ACER1: variants seen among roughly 807,000 people sequenced by gnomAD.
ACER1 encodes the protein CTB-180A7.3.
In ACER1, 28 loss-of-function variants were observed where a neutral mutation model predicts 24.9. The observed-to-expected ratio is 1.13, with a 90% CI of 0.83 to 1.54. The LOEUF (loss-of-function observed/expected upper bound fraction) is 1.54. ACER1 is among the 40% of genes most tolerant of loss of function. The pLI is 0.00. For missense variants in ACER1, 352 were observed against 349.3 expected (o/e 1.01, Z -0.06); for synonymous variants, 132 against 131.4 (o/e 1.00, Z -0.03).
Position 6,330,565 on chromosome 19 carries a change from C to T in ACER1, c.93+2894G>A, listed in dbSNP as rs866986230. 8.7e-5 allele frequency among the ~76,000 whole-genome samples: 13 copies of T among 150,124 alleles called. No individual in the cohort carries two copies. The South Asian group carries it at 1.9e-3, about 22-fold the overall frequency. ...GCCTCAAGTGATCCTCCTGTCTCGA[C>T]CTTCCAAAGTACTAGGATTAAAGGT... On this transcript the variant is annotated intron_variant, in intron 1 of 5. Transcript: ENST00000301452.
the ACER1 span, among the ~76,000 whole-genome samples, chr19:6,350,695 G>C: frequency 2.7e-4 from 41 of 152,272 alleles, 1 homozygote; most frequent in African/African-American, 7.7e-4. Flanking sequence ...GAAGAAAAAA[G>C]AGGATGTGGG....
intron 3 of ACER1, among the ~76,000 whole-genome samples, chr19:6,311,726 G>A (rs1478875774): frequency 6.6e-6 from 1 of 152,118 alleles, no homozygotes; most frequent in Non-Finnish European, 1.5e-5. Context: ...TTTCACAGGG[G>A]TCAAGGGTGG....
chr19:6,332,696 A>AGG (rs2091694142), intron 1 of ACER1, among the ~76,000 whole-genome samples: 1 of 148,770 alleles, frequency 6.7e-6, no homozygotes, highest in Admixed American at 6.7e-5. Flanking sequence ...TTTTTGAGAC[A>AGG]GTCTCGCTTT....
At chr19:6,347,098 C>CG in the ACER1 span, among the ~76,000 whole-genome samples, 1 of 82,024 alleles carries the variant, frequency 1.2e-5, no homozygotes, top group African/African-American at 6.5e-5. Flanking sequence ...CCTGTCTCTA[C>CG]AAAAAAAAAA....
chr19:6,353,139 A>T, the ACER1 span, among the ~76,000 whole-genome samples: 1 of 152,162 alleles, frequency 6.6e-6, no homozygotes, highest in Non-Finnish European at 1.5e-5. Flanking sequence ...ACCAGCTTGG[A>T]CAACATAAGA....
intron 1 of ACER1, among the ~76,000 whole-genome samples, chr19:6,327,437 C>A (rs762582502): frequency 1.3e-5 from 2 of 151,786 alleles, no homozygotes; most frequent in Non-Finnish European, 1.5e-5. Flanking sequence ...TGGTGACGGG[C>A]GTCTGTAGTC....
the ACER1 span, among the ~76,000 whole-genome samples, chr19:6,356,596 C>A: frequency 6.6e-6 from 1 of 152,020 alleles, no homozygotes; most frequent in Non-Finnish European, 1.5e-5. Context: ...ATCCCAGCCC[C>A]CTCCTAAATT....
upstream of ACER1, among the ~76,000 whole-genome samples, chr19:6,335,224 CT>C (rs146932699): frequency 0.095 from 9,635 of 101,910 alleles, 286 homozygotes; most frequent in East Asian, 0.31. Flanking sequence ...ATTTAACGTT[CT>C]TTTTTTTTTT....
the ACER1 span, among the ~76,000 whole-genome samples, chr19:6,341,820 C>T: frequency 9.9e-5 from 15 of 151,908 alleles, no homozygotes; most frequent in Non-Finnish European, 1.5e-4. Flanking sequence ...AGTAGAGACG[C>T]GGGTTTCACC....
chr19:6,359,857 GC>G, the ACER1 span, among the ~76,000 whole-genome samples: 1 of 152,042 alleles, frequency 6.6e-6, no homozygotes, highest in Non-Finnish European at 1.5e-5. Flanking sequence ...TGCCTCCAAA[GC>G]CCTCTACCTA....
chr19:6,339,229 A>G, the ACER1 span, among the ~76,000 whole-genome samples: 1 of 152,172 alleles, frequency 6.6e-6, no homozygotes, highest in Non-Finnish European at 1.5e-5. Flanking sequence ...TAATACATGA[A>G]TGGATAAACA....
intron 1 of ACER1, among the ~76,000 whole-genome samples, chr19:6,329,356 T>TATAGAATAGAATAGA (rs57029699): frequency 0.2 from 27,145 of 133,708 alleles, 3,194 homozygotes; most frequent in Middle Eastern, 0.25. Flanking sequence ...GGCTTTTTGA[T>TATAGAATAGAATAGA]ATAGAATAGA....
chr19:6,355,510 G>C, the ACER1 span, among the ~76,000 whole-genome samples: 2 of 151,106 alleles, frequency 1.3e-5, no homozygotes, highest in African/African-American at 4.9e-5. Context: ...CCTCTGCCCA[G>C]CAGCCACCCC....
rs1345083668 is a variant in ACER1 at position 6,318,790 on chromosome 19, A to AAT, written c.94-6292_94-6291insAT. Among the ~76,000 whole-genome samples the AAT allele has an allele frequency of 2.0e-4, 4 of 19,654 alleles. No individual in the cohort carries two copies. The East Asian group carries it at 5.3e-3, about 26-fold the overall frequency. 12.9% of individuals were successfully genotyped at this position (19,654 alleles called of 152,430 possible). A position where few individuals can be genotyped will look rare whatever the true frequency, so the allele number is the denominator to read the frequency against. On this transcript the variant is annotated intron_variant, in intron 1 of 5. Transcript: ENST00000301452. ...AACAGAGCAAGACTCCGTTTCAAAA[A>AAT]AAATAAATAAATAAATAAAAATAAA...
At chr19:6,324,825 AAAGG>A (rs137970337) in intron 1 of ACER1, among the ~76,000 whole-genome samples, 16,505 of 142,878 alleles carry the variant, frequency 0.12, 1,371 homozygotes, top group East Asian at 0.37. Context: ...GGAGAGAAGG[AAAGG>A]AAGGAAGGAA....
intron 1 of ACER1, among the ~76,000 whole-genome samples, chr19:6,321,103 C>G (rs1044420252): frequency 6.6e-6 from 1 of 151,424 alleles, no homozygotes; most frequent in African/African-American, 2.4e-5. Flanking sequence ...ATAAGGCATG[C>G]AACCATCACA....
the ACER1 span, among the ~76,000 whole-genome samples, chr19:6,345,290 G>C: frequency 6.6e-6 from 1 of 152,150 alleles, no homozygotes; most frequent in African/African-American, 2.4e-5. Flanking sequence ...CTACTTTTAT[G>C]CTATAATGCA....
chr19:6,321,889 G>A (rs2091633055), intron 1 of ACER1, among the ~76,000 whole-genome samples: 1 of 151,892 alleles, frequency 6.6e-6, no homozygotes, highest in South Asian at 2.1e-4. Context: ...TGGGATGACA[G>A]GTATGAGCCA....
intron 1 of ACER1, among the ~76,000 whole-genome samples, chr19:6,318,257 GT>G (rs35449397): frequency 0.13 from 20,149 of 151,944 alleles, 1,638 homozygotes; most frequent in East Asian, 0.29. Flanking sequence ...ATCACCTGAA[GT>G]CGGGAGTTCG....
Sources: gnomAD v4.1 joint callset for allele counts (sites outside exome capture counted in the v4.1 genomes callset) on GRCh38, gnomAD v4.1.1 for gene constraint, MANE v1.5 for transcripts, NCBI Gene and HGNC (gene_info 2026-07-23, HGNC 2026-07-21) for gene names.